UBE3D: variants seen among roughly 807,000 people sequenced by gnomAD.
UBE3D encodes the protein E3 ubiquitin-protein ligase E3D.
In UBE3D, 48 loss-of-function variants were observed where a neutral mutation model predicts 49.6. The observed-to-expected ratio is 0.97, with a 90% CI of 0.77 to 1.23. UBE3D has a LOEUF of 1.23. Among genes scored for constraint, UBE3D ranks in the 50% most tolerant of loss-of-function variants. The pLI is 0.00. For missense variants in UBE3D, 452 were observed against 468.4 expected (o/e 0.96, Z 0.32); for synonymous variants, 189 against 174.2 (o/e 1.08, Z -0.67).
At chr6:83,045,800 T>G (rs2127823390) in intron 3 of UBE3D, among the ~76,000 whole-genome samples, 2 of 152,294 alleles carry the variant, frequency 1.3e-5, no homozygotes, top group Middle Eastern at 6.8e-3. Flanking sequence ...ATTCCACCTG[T>G]TTTTCCACTA....
At chr6:82,945,313 G>A (rs1362288734) in intron 9 of UBE3D, among the ~76,000 whole-genome samples, 2 of 152,208 alleles carry the variant, frequency 1.3e-5, no homozygotes, top group African/African-American at 4.8e-5. Context: ...AAGAGAGACT[G>A]ACTGACTCCA....
At chr6:82,940,613 C>G (rs1774935455) in intron 9 of UBE3D, among the ~76,000 whole-genome samples, 1 of 152,174 alleles carries the variant, frequency 6.6e-6, no homozygotes, top group Non-Finnish European at 1.5e-5. Context: ...CATCTTGGTT[C>G]AGGTCTGTCT....
intron 9 of UBE3D, among the ~76,000 whole-genome samples, chr6:82,918,382 T>C (rs1773085068): frequency 6.6e-6 from 1 of 152,102 alleles, no homozygotes; most frequent in Non-Finnish European, 1.5e-5. Context: ...GCTCTTCATA[T>C]GTATGACTTA....
At chr6:82,951,875 C>T (rs564985640) in intron 9 of UBE3D, among the ~76,000 whole-genome samples, 13 of 152,244 alleles carry the variant, frequency 8.5e-5, no homozygotes, top group Non-Finnish European at 1.6e-4. Flanking sequence ...TCTAAAACTG[C>T]AGCACTACTT....
intron 9 of UBE3D, among the ~76,000 whole-genome samples, chr6:82,921,111 A>G (rs1208753910): frequency 6.6e-6 from 1 of 152,084 alleles, no homozygotes; most frequent in Non-Finnish European, 1.5e-5. Context: ...GCCCACCACC[A>G]TGCCCAACTA....
rs1040178511 is a variant in UBE3D, at chr6:83,054,160, A to G, written c.353T>C (p.Ile118Thr). 1 of 1,613,736 alleles carries G rather than the reference A, an allele frequency of 6.2e-7. No individual in the cohort carries two copies. Among genetic ancestry groups the G allele is most frequent in the Non-Finnish European group, 8.5e-7 (1 of 1,179,650 alleles). ...ATATATTCCTTACCTGTCTTTTATT[A>G]TGACTTCACCGCAGGATTGGCAATA... The part of the protein sequence containing the change: ...TFYCQSCGEV[I>T]IKDRKLLRVL... Residue 118 changes from isoleucine (I) to threonine (T), a missense_variant, in exon 3 of 10, where the codon ATA becomes ACA. Transcript: ENST00000369747.
At chr6:82,969,452 C>A (rs1436358063) in intron 8 of UBE3D, among the ~76,000 whole-genome samples, 9 of 151,954 alleles carry the variant, frequency 5.9e-5, no homozygotes, top group African/African-American at 2.2e-4. Flanking sequence ...ACTAAAAATA[C>A]AAAAAAGTAG....
intron 8 of UBE3D, among the ~76,000 whole-genome samples, chr6:82,981,411 G>T (rs1366096795): frequency 6.6e-6 from 1 of 152,014 alleles, no homozygotes; most frequent in African/African-American, 2.4e-5. Context: ...CAAGTCACAG[G>T]TGTTAAAAAT....
intron 9 of UBE3D, among the ~76,000 whole-genome samples, chr6:82,926,345 T>C (rs1383231307): frequency 2.0e-5 from 3 of 152,164 alleles, no homozygotes; most frequent in African/African-American, 7.2e-5. Context: ...GTATGTATCA[T>C]AGTTTATCCA....
chr6:82,898,221 A>C (rs1771472776), intron 9 of UBE3D, among the ~76,000 whole-genome samples: 1 of 152,218 alleles, frequency 6.6e-6, no homozygotes, highest in Admixed American at 6.5e-5. Flanking sequence ...AAGCTTTTAC[A>C]CTGTTGGTGG....
At chr6:82,885,662 T>A in the UBE3D span, among the ~76,000 whole-genome samples, 1 of 152,138 alleles carries the variant, frequency 6.6e-6, no homozygotes, top group East Asian at 1.9e-4. Context: ...CCCTCAAGGG[T>A]ACAAAAAATA....
At chr6:83,051,118 C>T (rs563483139) in intron 3 of UBE3D, among the ~76,000 whole-genome samples, 1 of 152,170 alleles carries the variant, frequency 6.6e-6, no homozygotes, top group Non-Finnish European at 1.5e-5. Context: ...AAGACCTTGT[C>T]GAGCATTAAC....
intron 4 of UBE3D, among the ~76,000 whole-genome samples, chr6:83,039,159 T>C (rs927606239): frequency 2.0e-5 from 3 of 152,184 alleles, no homozygotes; most frequent in Non-Finnish European, 1.5e-5. Flanking sequence ...TTCCCATCCA[T>C]AGTTATACCT....
chr6:83,000,035 T>C (rs1014286655), intron 8 of UBE3D, among the ~76,000 whole-genome samples: 1 of 152,324 alleles, frequency 6.6e-6, no homozygotes, highest in Non-Finnish European at 1.5e-5. Context: ...AGCAATACTG[T>C]TGTTTTCCTC....
In UBE3D at chr6:83,014,162, C is replaced by T. The variant is rs144843234; in HGVS notation, c.1010+4811G>A. ...TGGAGTCACCACTTTGTTAAACTTA[C>T]AATAATCCACTGTCGTTCTCTAAGA... On this transcript the variant is annotated intron_variant, in intron 8 of 9. Coordinates refer to ENST00000369747, the MANE Select transcript of UBE3D (RefSeq NM_198920.3). Among the ~76,000 whole-genome samples the T allele has an allele frequency of 2.4e-3, 372 of 152,344 alleles. 4 individuals carry two copies. The highest frequency in any genetic ancestry group is 7.8e-3 in the African/African-American group (325 of 41,568).
At chr6:83,031,981 C>T (rs947897000) in intron 5 of UBE3D, among the ~76,000 whole-genome samples, 4 of 152,170 alleles carry the variant, frequency 2.6e-5, no homozygotes, top group Admixed American at 6.5e-5. Context: ...TGTATGGAAA[C>T]GCCTGGATGT....
At position 83,021,757 on chromosome 6, in the gene UBE3D, T is replaced by C. The variant is rs1037555397; in HGVS notation, c.846+696A>G. 3.3e-5 allele frequency among the ~76,000 whole-genome samples: 5 copies of C among 151,864 alleles called. 1 individual carries two copies. The highest frequency in any genetic ancestry group is 4.2e-4 in the South Asian group (2 of 4,808). On this transcript the variant is annotated intron_variant, in intron 7 of 9. Transcript: ENST00000369747. Reference sequence around the variant, plus strand: ...GGTGGCGGGCGCCTGTAGTCCCACCTACTCGGGAGACTGGGGCAGAAGAAT... The same window carrying C: ...GGTGGCGGGCGCCTGTAGTCCCACCCACTCGGGAGACTGGGGCAGAAGAAT...
chr6:82,906,105 T>C (rs1183547208), intron 9 of UBE3D, among the ~76,000 whole-genome samples: 1 of 152,166 alleles, frequency 6.6e-6, no homozygotes, highest in African/African-American at 2.4e-5. Context: ...AAATATCCTA[T>C]CAGTGACCAA....
chr6:83,001,137 C>T lies in UBE3D; in HGVS notation c.1010+17836G>A, dbSNP rs1224836364. Among the ~76,000 whole-genome samples, 4 of 152,222 alleles carry T rather than the reference C, an allele frequency of 2.6e-5. No homozygotes were observed. The South Asian group carries it at 6.2e-4, about 24-fold the overall frequency. On this transcript the variant is annotated intron_variant, in intron 8 of 9. Transcript: ENST00000369747. ...GGAATTACAGGCGTGAGCCACTGAG[C>T]CCGGCCCAAGCATCAGTTCTTCATG...
Sources: gnomAD v4.1 joint callset for allele counts (sites outside exome capture counted in the v4.1 genomes callset) on GRCh38, gnomAD v4.1.1 for gene constraint, MANE v1.5 for transcripts, NCBI Gene and HGNC (gene_info 2026-07-23, HGNC 2026-07-21) for gene names.